POU2F1: variants seen among roughly 807,000 people sequenced by gnomAD.
The protein encoded by POU2F1 is POU class 2 homeobox 1, also known as POU domain, class 2, transcription factor 1.
Under a neutral mutation model 84.9 loss-of-function variants are expected in POU2F1, and 16 were observed. That is an observed-to-expected ratio of 0.19 (90% CI 0.13 to 0.29). The LOEUF is 0.29. Among genes scored for constraint, POU2F1 ranks in the 10% least tolerant of loss-of-function variants. POU2F1 has a pLI of 1.00. For missense variants in POU2F1, 738 were observed against 942.6 expected (o/e 0.78, Z 2.84); for synonymous variants, 368 against 368.3 (o/e 1.00, Z 0.01).
Position 167,419,044 on chromosome 1 carries a change from A to G in POU2F1, c.*3234A>G, listed in dbSNP as rs922833631. The G allele has an allele frequency of 1.3e-5, 2 of 152,236 alleles. No individual in the cohort carries two copies. The highest frequency in any genetic ancestry group is 2.4e-5 in the African/African-American group (1 of 41,454). 9.4% of individuals were successfully genotyped at this position (152,236 alleles called of 1,614,324 possible). A position where few individuals can be genotyped will look rare whatever the true frequency, so the allele number is the denominator to read the frequency against. On this transcript the variant is annotated 3_prime_UTR_variant, in exon 16 of 16. Transcript: ENST00000367866. ...TTAGTTTAAAATCAACTCCCTATCC[A>G]TCATCCCTAGATATTCTACTTATCG... is the stretch of plus-strand genomic sequence containing the variant.
intron 7 of POU2F1, among the ~76,000 whole-genome samples, chr1:167,382,977 C>G (rs1390948226): frequency 6.6e-6 from 1 of 152,106 alleles, no homozygotes; most frequent in Non-Finnish European, 1.5e-5. Flanking sequence ...AATTTAGTAA[C>G]CTAATGAAAT....
chr1:167,374,084 A>G (rs550815641), intron 5 of POU2F1, 24 bp from the exon 6 acceptor site: 22 of 1,611,566 alleles, frequency 1.4e-5, no homozygotes, highest in African/African-American at 2.7e-5. Context: ...ACACTTTCCC[A>G]TAATGTGTTC....
intron 6 of POU2F1, 74 bp from the exon 7 acceptor site, chr1:167,375,955 C>A: frequency 6.5e-7 from 1 of 1,530,890 alleles, no homozygotes; most frequent in Non-Finnish European, 9.0e-7. Flanking sequence ...CAGAAGTCAT[C>A]AGCTGGAAGC....
intron 1 of POU2F1, among the ~76,000 whole-genome samples, chr1:167,315,450 A>G (rs1400036397): frequency 6.6e-6 from 1 of 152,146 alleles, no homozygotes; most frequent in Admixed American, 6.6e-5. Context: ...AGAAACAGCC[A>G]AAAAGTCCCT....
At chr1:167,322,739 C>G (rs1209366275) in intron 1 of POU2F1, among the ~76,000 whole-genome samples, 1 of 152,184 alleles carries the variant, frequency 6.6e-6, no homozygotes, top group Non-Finnish European at 1.5e-5. Context: ...ACAAACAAAG[C>G]TTTACCCACA....
At chr1:167,258,554 T>C (rs1193080631) in intron 1 of POU2F1, among the ~76,000 whole-genome samples, 2 of 152,056 alleles carry the variant, frequency 1.3e-5, no homozygotes, top group Non-Finnish European at 2.9e-5. Flanking sequence ...TATATAGATA[T>C]ATGTGTGTGT....
intron 1 of POU2F1, among the ~76,000 whole-genome samples, chr1:167,306,037 TTTTG>T (rs1344971204): frequency 2.0e-5 from 3 of 152,218 alleles, no homozygotes; most frequent in Non-Finnish European, 2.9e-5. Context: ...ATTCCTTCCT[TTTTG>T]TTTGTTTGAA....
At chr1:167,222,030 T>C (rs1014220093) in intron 1 of POU2F1, among the ~76,000 whole-genome samples, 3 of 151,634 alleles carry the variant, frequency 2.0e-5, no homozygotes, top group Admixed American at 6.6e-5. Flanking sequence ...CCCCCTCCGT[T>C]CCCCCCACCC....
intron 1 of POU2F1, among the ~76,000 whole-genome samples, chr1:167,291,937 G>A (rs1653952278): frequency 6.6e-6 from 1 of 152,120 alleles, no homozygotes; most frequent in Non-Finnish European, 1.5e-5. Context: ...ACCATGTACT[G>A]TAGGAGTGCT....
At chr1:167,380,375 T>C (rs772891677) in intron 7 of POU2F1, 2 of 152,224 alleles carry the variant, frequency 1.3e-5, no homozygotes, top group African/African-American at 4.8e-5. Context: ...ATTATGACAT[T>C]ATCATGATAC....
intron 1 of POU2F1, among the ~76,000 whole-genome samples, chr1:167,324,814 T>C (rs1374148545): frequency 1.3e-5 from 2 of 152,230 alleles, no homozygotes; most frequent in Non-Finnish European, 2.9e-5. Context: ...ATGTCTTTCA[T>C]GGTATCTGCC....
At chr1:167,294,273 C>T (rs1345344488) in intron 1 of POU2F1, among the ~76,000 whole-genome samples, 6 of 151,594 alleles carry the variant, frequency 4.0e-5, no homozygotes, top group African/African-American at 9.7e-5. Context: ...GATGTGAACC[C>T]GGGAGGCGGA....
intron 15 of POU2F1, chr1:167,414,698 C>A: frequency 1.0e-6 from 1 of 985,226 alleles, no homozygotes; most frequent in Non-Finnish European, 1.2e-6. Flanking sequence ...CACCCACCTA[C>A]ATCATTATGT....
At chr1:167,240,622 A>G (rs16858790) in intron 1 of POU2F1, among the ~76,000 whole-genome samples, 2,347 of 152,322 alleles carry the variant, frequency 0.015, 64 homozygotes, top group African/African-American at 0.054. Flanking sequence ...TTCCAAGATA[A>G]GTGTTTCCTA....
chr1:167,416,292 A>C lies in POU2F1; in HGVS notation c.*482A>C, dbSNP rs1017515401. 5.1e-5 allele frequency: 14 copies of C among 273,512 alleles called. No individual in the cohort carries two copies. The highest frequency in any genetic ancestry group is 9.9e-5 in the Non-Finnish European group (14 of 141,982). 16.9% of individuals were successfully genotyped at this position (273,512 alleles called of 1,614,324 possible). A position where few individuals can be genotyped will look rare whatever the true frequency, so the allele number is the denominator to read the frequency against. The stretch of plus-strand genomic sequence containing the variant: ...TATGGGTCTGTTGTACAGGCCATTA[A>C]GTCATAACAAGGTGTTTATAATCGT... On this transcript the variant is annotated 3_prime_UTR_variant, in exon 16 of 16. Coordinates refer to ENST00000367866, the MANE Select transcript of POU2F1 (RefSeq NM_002697.4).
Position 167,421,480 on chromosome 1 carries a change from T to A in POU2F1, c.*5670T>A, listed in dbSNP as rs116502922. 2.5e-3 allele frequency: 387 copies of A among 152,332 alleles called. 2 individuals are homozygous for A. The highest frequency in any genetic ancestry group is 9.1e-3 in the African/African-American group (377 of 41,574). 9.4% of individuals were successfully genotyped at this position (152,332 alleles called of 1,614,324 possible). ...GTTTGTACCCAGTTTTCTATATGGTTTGTGAACTGTAGCTTTTAAAAAAAA... is the reference window on the plus strand; with the variant it reads ...GTTTGTACCCAGTTTTCTATATGGTATGTGAACTGTAGCTTTTAAAAAAAA... On this transcript the variant is annotated 3_prime_UTR_variant, in exon 16 of 16. Transcript: ENST00000367866.
chr1:167,247,333 T>G (rs1281702008), intron 1 of POU2F1, among the ~76,000 whole-genome samples: 1 of 152,186 alleles, frequency 6.6e-6, no homozygotes, highest in East Asian at 1.9e-4. Flanking sequence ...CCCAAAGTTC[T>G]GTGGGATTAC....
chr1:167,269,982 A>G (rs1652255047), intron 1 of POU2F1, among the ~76,000 whole-genome samples: 1 of 150,456 alleles, frequency 6.6e-6, no homozygotes, highest in African/African-American at 2.4e-5. Flanking sequence ...TCTGACGTTG[A>G]GCTAATGGTG....
chr1:167,388,970 T>A (rs1222413313), intron 8 of POU2F1, among the ~76,000 whole-genome samples: 1 of 152,122 alleles, frequency 6.6e-6, no homozygotes, highest in Non-Finnish European at 1.5e-5. Flanking sequence ...AAAACAACGT[T>A]AAATAAGAAA....
Sources: gnomAD v4.1 joint callset for allele counts (sites outside exome capture counted in the v4.1 genomes callset) on GRCh38, gnomAD v4.1.1 for gene constraint, MANE v1.5 for transcripts, NCBI Gene and HGNC (gene_info 2026-07-23, HGNC 2026-07-21) for gene names.